GPBP1: variants seen among roughly 807,000 people sequenced by gnomAD.
GPBP1 encodes GC-rich promoter binding protein 1, also known as vasculin.
Under a neutral mutation model 56.5 loss-of-function variants are expected in GPBP1, and 13 were observed. That is an observed-to-expected ratio of 0.23 (90% confidence interval 0.15 to 0.37). The LOEUF (loss-of-function observed/expected upper bound fraction) is 0.37, where lower values mean the gene tolerates loss of function less well. GPBP1 is among the 10% of genes least tolerant of loss of function. The probability of loss-of-function intolerance (pLI) is 1.00; values close to 1 mark genes in which losing one functional copy is unlikely to be tolerated. For missense variants in GPBP1, 477 were observed against 572.3 expected (o/e 0.83, Z 1.70); for synonymous variants, 204 against 188.9 (o/e 1.08, Z -0.66).
At position 57,236,132 on chromosome 5, in the gene GPBP1, CTTTCTT is replaced by C. The variant is rs1756653074; in HGVS notation, c.478+104_478+109del. On this transcript the variant is annotated intron_variant, in intron 6 of 11. Transcript: ENST00000506184. The stretch of plus-strand genomic sequence containing the variant: ...AAATAGAGAGCAGGCTAGAATAAAA[CTTTCTT>C]TTTAAAGTATTTGTATTTGATGTGC... 4 of 762,448 alleles carry C rather than the reference CTTTCTT, an allele frequency of 5.2e-6. No individual in the cohort carries two copies. The East Asian group carries it at 1.0e-4, about 20-fold the overall frequency. 47.2% of individuals were successfully genotyped at this position (762,448 alleles called of 1,614,324 possible).
intron 2 of GPBP1, among the ~76,000 whole-genome samples, chr5:57,213,006 G>A (rs1439986621): frequency 6.6e-6 from 1 of 151,764 alleles, no homozygotes; most frequent in Non-Finnish European, 1.5e-5. Context: ...TTTTAGAACA[G>A]TCCAGATGTA....
At chr5:57,182,655 G>T (rs1486842123) in intron 2 of GPBP1, among the ~76,000 whole-genome samples, 1 of 151,988 alleles carries the variant, frequency 6.6e-6, no homozygotes, top group Non-Finnish European at 1.5e-5. Flanking sequence ...ACAGGCGTGA[G>T]CCACCGCACT....
chr5:57,199,331 G>A (rs1478287270), intron 2 of GPBP1, among the ~76,000 whole-genome samples: 1 of 152,032 alleles, frequency 6.6e-6, no homozygotes, highest in Non-Finnish European at 1.5e-5. Context: ...TGTTAGAACT[G>A]GGACTAGACA....
intron 2 of GPBP1, among the ~76,000 whole-genome samples, chr5:57,207,673 C>T (rs1014868458): frequency 3.3e-5 from 5 of 152,086 alleles, no homozygotes; most frequent in South Asian, 2.1e-4. Flanking sequence ...GCTTGGAGAA[C>T]GAGTGCAAGG....
At chr5:57,217,329 T>C (rs1297931930) in intron 3 of GPBP1, among the ~76,000 whole-genome samples, 1 of 152,032 alleles carries the variant, frequency 6.6e-6, no homozygotes, top group Admixed American at 6.6e-5. Flanking sequence ...TCCCAGCACT[T>C]TGGGAGGCCG....
At chr5:57,221,431 GA>G in intron 3 of GPBP1, 1 of 1,327,252 alleles carries the variant, frequency 7.5e-7, no homozygotes, top group Non-Finnish European at 1.1e-6. Flanking sequence ...AACAGATATT[GA>G]AAAATTTAGA....
chr5:57,248,531 C>T (rs1409372657), intron 8 of GPBP1, among the ~76,000 whole-genome samples: 1 of 148,992 alleles, frequency 6.7e-6, no homozygotes, highest in Non-Finnish European at 1.5e-5. Context: ...GGGTTCACGC[C>T]ATTCTCCTGC....
At chr5:57,252,975 C>T (rs1741465204) in intron 10 of GPBP1, among the ~76,000 whole-genome samples, 1 of 152,206 alleles carries the variant, frequency 6.6e-6, no homozygotes, top group Non-Finnish European at 1.5e-5. Context: ...TCCCAAAGTG[C>T]TAGGATTACA....
intron 2 of GPBP1, among the ~76,000 whole-genome samples, chr5:57,176,867 C>G (rs1424240659): frequency 6.6e-6 from 1 of 152,144 alleles, no homozygotes; most frequent in Non-Finnish European, 1.5e-5. Context: ...TTTGGAGTTA[C>G]ATAGTTTGGT....
intron 3 of GPBP1, among the ~76,000 whole-genome samples, chr5:57,216,130 T>G (rs1434312675): frequency 6.6e-6 from 1 of 152,150 alleles, no homozygotes; most frequent in Non-Finnish European, 1.5e-5. Context: ...GGTAGAGCCT[T>G]CATTCTGTGA....
intron 2 of GPBP1, among the ~76,000 whole-genome samples, chr5:57,191,291 G>A (rs1447809702): frequency 2.0e-5 from 3 of 151,758 alleles, no homozygotes; most frequent in East Asian, 3.9e-4. Flanking sequence ...GGCAGGTTTC[G>A]CCATGTTGGC....
chr5:57,217,632 A>T (rs1755756337), intron 3 of GPBP1, among the ~76,000 whole-genome samples: 1 of 152,226 alleles, frequency 6.6e-6, no homozygotes, highest in African/African-American at 2.4e-5. Context: ...ATCTACCTGT[A>T]ACTGTCTAGA....
chr5:57,236,772 T>G (rs1437123496), intron 6 of GPBP1, among the ~76,000 whole-genome samples: 1 of 152,176 alleles, frequency 6.6e-6, no homozygotes, highest in Non-Finnish European at 1.5e-5. Flanking sequence ...AATTAATCAT[T>G]TGATACTAAA....
At chr5:57,246,217 G>A in intron 6 of GPBP1, 83 bp from the exon 7 acceptor site, 1 of 1,079,490 alleles carries the variant, frequency 9.3e-7, no homozygotes, top group Non-Finnish European at 1.3e-6. Context: ...AAAAAATTTG[G>A]AATATACTGT....
intron 2 of GPBP1, among the ~76,000 whole-genome samples, chr5:57,200,482 C>A (rs1579996904): frequency 6.7e-6 from 1 of 149,986 alleles, no homozygotes; most frequent in Non-Finnish European, 1.5e-5. Context: ...ATTCTTCTGC[C>A]TCAGCCTCCC....
chr5:57,202,739 A>G (rs1755074224), intron 2 of GPBP1, among the ~76,000 whole-genome samples: 1 of 152,222 alleles, frequency 6.6e-6, no homozygotes, highest in Non-Finnish European at 1.5e-5. Flanking sequence ...TAATGCTATT[A>G]GATTGTAAGC....
At chr5:57,252,881 T>C (rs1269367766) in intron 10 of GPBP1, among the ~76,000 whole-genome samples, 1 of 152,006 alleles carries the variant, frequency 6.6e-6, no homozygotes, top group Non-Finnish European at 1.5e-5. Context: ...GGCTAATTTT[T>C]GTCTTTTAGT....
intron 2 of GPBP1, among the ~76,000 whole-genome samples, chr5:57,195,110 A>G (rs1036797313): frequency 3.3e-5 from 5 of 152,034 alleles, no homozygotes; most frequent in African/African-American, 7.2e-5. Flanking sequence ...TTTTCCATGT[A>G]TAAGATCAGT....
At chr5:57,189,188 C>G (rs1754416331) in intron 2 of GPBP1, among the ~76,000 whole-genome samples, 1 of 152,184 alleles carries the variant, frequency 6.6e-6, no homozygotes, top group South Asian at 2.1e-4. Flanking sequence ...GCCACTATCT[C>G]AGTTCACTGC....
Sources: allele counts gnomAD v4.1 joint callset (sites outside exome capture counted in the v4.1 genomes callset), GRCh38; gene constraint gnomAD v4.1.1; transcripts MANE v1.5; gene names NCBI Gene and HGNC (gene_info 2026-07-23, HGNC 2026-07-21).